The following PLEC variants were observed in gnomAD, a reference collection of about 807,000 sequenced individuals.
PLEC encodes the protein plectin.
PLEC carries 216 observed loss-of-function variants against 392.8 expected under a neutral mutation model. That is an observed-to-expected ratio of 0.55 (90% CI 0.49 to 0.62). The LOEUF (loss-of-function observed/expected upper bound fraction) is 0.62. Among genes scored for constraint, PLEC ranks in the 20% least tolerant of loss-of-function variants. PLEC has a pLI of 0.00. For synonymous variants in PLEC, 3,621 were observed against 2,980.6 expected, an observed-to-expected ratio of 1.21 and a Z score of -7.00; for missense variants, 6,863 against 6,563.4, an observed-to-expected ratio of 1.05 and a Z score of -1.58.
intron 29 of PLEC, 23 bp downstream of exon 29, chr8:143,926,954 A>G (rs1554706264): frequency 2.5e-6 from 4 of 1,608,164 alleles, no homozygotes; most frequent in Non-Finnish European, 3.4e-6. Flanking sequence ...CCCCTCACCC[A>G]GTTAGGTTCG....
Position 143,932,803 on chromosome 8 carries a change from C to T in PLEC, c.1727G>A (p.Arg576Gln), listed in dbSNP as rs199826059. 86 of 1,612,274 alleles carry T rather than the reference C, an allele frequency of 5.3e-5. No homozygotes were observed. In the Admixed American group the frequency reaches 6.3e-4, roughly 12 times the overall value. ...EEFRAKIERA[R>Q]SDEGQLSPAT... ...CTCAGCGCCACCCACCTCGTCACTC[C>T]GTGCCCGCTCGATCTTGGCCCGGAA... The change falls in exon 14 of 32, where the codon CGG becomes CAG. Residue 576 changes from arginine to glutamine, a missense_variant. Coordinates refer to ENST00000345136, the MANE Select transcript of PLEC (RefSeq NM_201384.3).
In PLEC at chr8:143,927,657, C is replaced by T. The variant is rs370346095; in HGVS notation, c.3509G>A (p.Arg1170Gln). The T allele has an allele frequency of 6.9e-6, 11 of 1,582,758 alleles. No homozygotes were observed. The highest frequency in any genetic ancestry group is 8.6e-6 in the Non-Finnish European group (10 of 1,166,026). Residue 1170 changes from arginine (R) to glutamine (Q), a missense_variant, in exon 27 of 32, where the codon CGG becomes CAG. Coordinates refer to ENST00000345136, the MANE Select transcript of PLEC (RefSeq NM_201384.3). ...GERLQQRHGE[R>Q]DVEVERWRER... Reference sequence around the variant, plus strand: ...CCGCCAGCGCTCCACCTCCACGTCCCGCTCCCCGTGCCGCTGCTGCAGTCG... The same window carrying T: ...CCGCCAGCGCTCCACCTCCACGTCCTGCTCCCCGTGCCGCTGCTGCAGTCG...
At chr8:143,974,707 C>A (rs1483943547), upstream of PLEC, among the ~76,000 whole-genome samples, 2 of 152,232 alleles carry the variant, frequency 1.3e-5, no homozygotes, top group Non-Finnish European at 2.9e-5. This position sits in a 1 kb window ranked among gnomAD's most constrained non-coding sequence, Gnocchi z 5.9. Flanking sequence ...CCCCCTTCCC[C>A]AAGCATCTCG....
At position 143,950,512 on chromosome 8, in the gene PLEC, A is replaced by T; in HGVS notation, c.195T>A (p.Phe65Leu). ...GGTACCAGTAAAAGTGGCACCAGGC[A>T]AAGGTCTCGCGGACCAGGCCCCGTG... The change falls in exon 1 of 32, where the codon TTT becomes TTA. Residue 65 changes from phenylalanine (F) to leucine (L), a missense_variant. By Grantham distance (22) the Phe-to-Leu change is conservative (BLOSUM62 0). Coordinates refer to the PLEC transcript ENST00000322810. 6 of 1,608,210 alleles carry T rather than the reference A, an allele frequency of 3.7e-6. No homozygotes were observed. The South Asian group carries it at 6.7e-5, about 18-fold the overall frequency.
intron 5 of PLEC, among the ~76,000 whole-genome samples, 196 bp downstream of exon 5, chr8:143,936,783 G>A (rs925588371): frequency 6.6e-6 from 1 of 152,308 alleles, no homozygotes. Context: ...TCAGAGAGAG[G>A]CCTGTACCCT....
At position 143,919,315 on chromosome 8, in the gene PLEC, C is replaced by G. The variant is rs1821708085; in HGVS notation, c.10506G>C (p.Leu3502=). 6.2e-7 allele frequency: 1 copy of G among 1,613,868 alleles called. No individual in the cohort carries two copies. Among genetic ancestry groups the G allele is most frequent in the South Asian group, 1.1e-5 (1 of 91,088 alleles). The change falls in exon 32 of 32, where the codon CTG becomes CTC. Residue 3502 remains leucine (L), a synonymous_variant. Transcript: ENST00000345136. ...GYFSEEMNRV[L]ADPSDDTKGF... Reference sequence around the variant, plus strand: ...CCTTGGTGTCGTCGCTGGGGTCCGCCAGGACGCGGTTCATCTCCTCACTGA... The same window carrying G: ...CCTTGGTGTCGTCGCTGGGGTCCGCGAGGACGCGGTTCATCTCCTCACTGA...
chr8:143,954,832 G>T (rs1832503367), upstream of PLEC, among the ~76,000 whole-genome samples: 1 of 152,330 alleles, frequency 6.6e-6, no homozygotes, highest in East Asian at 1.9e-4. The surrounding 1 kb of genome is among the most constrained non-coding windows in gnomAD (Gnocchi z 4.6). Context: ...GGGCAGGACA[G>T]CCTCCACAAG....
Position 143,920,913 on chromosome 8 carries a change from C to T in PLEC, c.8908G>A (p.Gly2970Ser), listed in dbSNP as rs1355586552. 6.2e-7 allele frequency: 1 copy of T among 1,612,618 alleles called. No homozygotes were observed. Among genetic ancestry groups the T allele is most frequent in the Non-Finnish European group, 8.5e-7 (1 of 1,180,032 alleles). ...ITVVEEQEQK[G>S]RLCFEGLRSL... Reference sequence around the variant, plus strand: ...CGCAGGCCCTCAAAGCAAAGCCGGCCCTTCTGCTCCTGCTCCTCCACCACC... The same window carrying T: ...CGCAGGCCCTCAAAGCAAAGCCGGCTCTTCTGCTCCTGCTCCTCCACCACC... The change falls in exon 32 of 32, where the codon GGC (glycine) becomes AGC (serine). Residue 2970 changes from glycine (G) to serine (S), a missense_variant. By Grantham distance (56) the Gly-to-Ser change is moderately conservative (BLOSUM62 0). Transcript: ENST00000345136.
rs782620794 is a variant in PLEC, at chr8:143,935,310, G to A, written c.606C>T (p.Pro202=). 1.9e-6 allele frequency: 3 copies of A among 1,601,578 alleles called. No homozygotes were observed. Among genetic ancestry groups the A allele is most frequent in the Non-Finnish European group, 1.7e-6 (2 of 1,178,978 alleles). The change falls in exon 7 of 32, where the codon CCC becomes CCT. Residue 202 remains proline (P), a synonymous_variant. Transcript: ENST00000345136. ...ACACCTTGTTCATGTCGATGAGCAG[G>A]GGCCTGGGACAAGCAGGTGGCTGGT... ...LFNAIIHRHK[P]LLIDMNKVYR...
intron 1 of PLEC, among the ~76,000 whole-genome samples, chr8:143,959,762 C>T (rs983928276): frequency 6.6e-6 from 1 of 152,234 alleles, no homozygotes; most frequent in South Asian, 2.1e-4. Flanking sequence ...TGTGGGAGGC[C>T]AAGGCGGGCA....
intron 3 of PLEC, 77 bp from the exon 4 acceptor site, chr8:143,937,319 G>A (rs1383986105): frequency 1.8e-5 from 20 of 1,091,118 alleles, no homozygotes; most frequent in Non-Finnish European, 2.5e-5. Flanking sequence ...CCAAAGCGCC[G>A]CAGCAACCGA....
At chr8:143,951,068 C>G (rs1554736369), upstream of PLEC, among the ~76,000 whole-genome samples, 2 of 152,334 alleles carry the variant, frequency 1.3e-5, no homozygotes, top group African/African-American at 2.4e-5. Flanking sequence ...CACAGCTGCC[C>G]CTTTCCCCCC....
chr8:143,938,126 C>T, intron 3 of PLEC, 25 bp downstream of exon 3: 4 of 1,573,066 alleles, frequency 2.5e-6, no homozygotes, highest in Non-Finnish European at 2.6e-6. Flanking sequence ...CAGGCGGGGC[C>T]CGGAGGGGGC....
rs200202579 is a variant in PLEC at position 143,921,620 on chromosome 8, G to T, written c.8201C>A (p.Ala2734Glu). The change falls in exon 32 of 32, where the codon GCG becomes GAG. Residue 2734 changes from alanine to glutamate, a missense_variant. Transcript: ENST00000345136. ...GTALILLEAQAASGFLLDPVR... is the reference protein window; with the variant it reads ...GTALILLEAQEASGFLLDPVR... ...AGGGTCCAGCAGGAAGCCTGAGGCC[G>T]CCTGCGCCTCCAGCAGGATGAGGGC... 6.2e-7 allele frequency: 1 copy of T among 1,612,696 alleles called. No homozygotes were observed. The highest frequency in any genetic ancestry group is 1.3e-5 in the African/African-American group (1 of 75,014).
chr8:143,952,181 AACACACACACAC>A (rs66992958), upstream of PLEC, among the ~76,000 whole-genome samples: 2 of 140,306 alleles, frequency 1.4e-5, no homozygotes, highest in South Asian at 2.2e-4. Flanking sequence ...GCAGGCTCCA[AACACACACACAC>A]ACACACACAC....
chr8:143,929,961 A>G lies in PLEC; in HGVS notation c.2714T>C (p.Leu905Pro). Residue 905 changes from leucine to proline, a missense_variant, in exon 22 of 32, where the codon CTC becomes CCC. By Grantham distance (98) the Leu-to-Pro change is moderately conservative. Coordinates refer to ENST00000345136, the MANE Select transcript of PLEC (RefSeq NM_201384.3). The part of the protein sequence containing the change: ...AWQSLRRDVQ[L>P]IRSWSLATFR... ...CGTGGCCAGGGACCAGGAGCGGATG[A>G]GCTGCACGTCGCGGCGAAGGCTCTG... 1 of 1,611,160 alleles carries G rather than the reference A, an allele frequency of 6.2e-7. No individual in the cohort carries two copies. The highest frequency in any genetic ancestry group is 8.5e-7 in the Non-Finnish European group (1 of 1,179,554).
chr8:143,975,437 CCCACCCA>C, upstream of PLEC: 8 of 1,409,002 alleles, frequency 5.7e-6, no homozygotes, highest in South Asian at 9.3e-5. This position sits in a 1 kb window ranked among gnomAD's most constrained non-coding sequence, Gnocchi z 9.9. Flanking sequence ...TGCACGCCGA[CCCACCCA>C]CCACCTTCTT....
At chr8:143,934,526 G>C in intron 10 of PLEC, 81 bp from the exon 11 acceptor site, 1 of 1,602,564 alleles carries the variant, frequency 6.2e-7, no homozygotes, top group Admixed American at 1.7e-5. Context: ...CAGCCCACCA[G>C]ACCTGGGACA....
At chr8:143,957,328 T>C (rs377632150), upstream of PLEC, among the ~76,000 whole-genome samples, 5 of 152,150 alleles carry the variant, frequency 3.3e-5, no homozygotes, top group East Asian at 5.8e-4. Context: ...CGGGTCTGTG[T>C]GTCCAGGCCA....
Sources: gnomAD v4.1 joint callset for allele counts (sites outside exome capture counted in the v4.1 genomes callset) on GRCh38, gnomAD v4.1.1 for gene constraint, Gnocchi (gnomAD v3.1) non-coding constraint, MANE v1.5 for transcripts, NCBI Gene and HGNC (gene_info 2026-07-23, HGNC 2026-07-21) for gene names.